The following GRID2 variants were observed in gnomAD, a reference collection of about 807,000 sequenced individuals.
The protein encoded by GRID2 is glutamate receptor ionotropic, delta-2.
GRID2 carries 33 observed loss-of-function variants against 114.8 expected under a neutral mutation model. The ratio of observed to expected loss-of-function variants is 0.29; its 90% CI spans 0.22 to 0.38. The LOEUF (loss-of-function observed/expected upper bound fraction) is 0.38, where lower values mean the gene tolerates loss of function less well. Ranked by LOEUF, GRID2 falls within the 10% of genes least tolerant of loss-of-function variation. The pLI is 1.00. For synonymous variants in GRID2, 505 were observed against 449.9 expected, an observed-to-expected ratio of 1.12 and a Z score of -1.55; for missense variants, 1,184 against 1,257.7, an observed-to-expected ratio of 0.94 and a Z score of 0.89.
intron 1 of GRID2, among the ~76,000 whole-genome samples, chr4:92,555,179 T>C (rs1726790855): frequency 6.6e-6 from 1 of 152,212 alleles, no homozygotes; most frequent in Non-Finnish European, 1.5e-5. Context: ...TTAATATCTG[T>C]AGGGTATGGA....
At chr4:92,535,133 A>C (rs2149155976) in intron 1 of GRID2, among the ~76,000 whole-genome samples, 1 of 152,260 alleles carries the variant, frequency 6.6e-6, no homozygotes, top group Non-Finnish European at 1.5e-5. Context: ...TATAGACCTA[A>C]GTTTCATCAA....
intron 1 of GRID2, among the ~76,000 whole-genome samples, chr4:93,789,408 T>C (rs1364122405): frequency 1.3e-5 from 2 of 152,232 alleles, no homozygotes; most frequent in Admixed American, 1.3e-4. Context: ...AAAGCAATTG[T>C]TAATGTCCCA....
At chr4:93,769,129 G>A (rs1733912823) in intron 14 of GRID2, 81 bp from the exon 15 acceptor site, 2 of 1,369,382 alleles carry the variant, frequency 1.5e-6, no homozygotes, top group Non-Finnish European at 2.1e-6. Flanking sequence ...TCCTACAGAG[G>A]TGGGATTATA....
intron 1 of GRID2, among the ~76,000 whole-genome samples, chr4:92,438,714 G>A (rs1286985319): frequency 6.6e-6 from 1 of 152,022 alleles, no homozygotes; most frequent in Non-Finnish European, 1.5e-5. Context: ...TTTAACTGAA[G>A]AATCCCAGTC....
At chr4:93,496,641 GA>G (rs1365356855) in intron 12 of GRID2, among the ~76,000 whole-genome samples, 1 of 151,730 alleles carries the variant, frequency 6.6e-6, no homozygotes, top group Non-Finnish European at 1.5e-5. Context: ...GTGGCCTTTC[GA>G]AAATGGCTTT....
chr4:92,574,394 T>C (rs546781327), intron 1 of GRID2, among the ~76,000 whole-genome samples: 1 of 150,992 alleles, frequency 6.6e-6, no homozygotes, highest in South Asian at 2.1e-4. Flanking sequence ...TATATAGTGT[T>C]ACTGGTCTGT....
chr4:93,796,434 G>A (rs1734803835), intron 1 of GRID2, among the ~76,000 whole-genome samples: 1 of 152,142 alleles, frequency 6.6e-6, no homozygotes, highest in Admixed American at 6.5e-5. Flanking sequence ...GACAAGCAGA[G>A]GGGAATCTAT....
chr4:92,756,780 G>A (rs544599138), intron 2 of GRID2, among the ~76,000 whole-genome samples: 102 of 152,044 alleles, frequency 6.7e-4, no homozygotes, highest in Non-Finnish European at 1.2e-3. Context: ...TGTGTATTTA[G>A]ATCTTTTGCG....
At chr4:92,399,682 T>C (rs948139775) in intron 1 of GRID2, among the ~76,000 whole-genome samples, 1 of 149,894 alleles carries the variant, frequency 6.7e-6, no homozygotes, top group African/African-American at 2.4e-5. Flanking sequence ...TATATATATA[T>C]ATACATACAT....
chr4:93,371,891 GCAC>G (rs1244052300), intron 8 of GRID2, among the ~76,000 whole-genome samples: 1 of 151,550 alleles, frequency 6.6e-6, no homozygotes, highest in Non-Finnish European at 1.5e-5. Context: ...GGGATTACAG[GCAC>G]CCACCACCAC....
intron 2 of GRID2, among the ~76,000 whole-genome samples, chr4:92,934,026 A>C (rs1453106431): frequency 1.3e-5 from 2 of 151,764 alleles, no homozygotes; most frequent in African/African-American, 2.4e-5. Context: ...CAAGTTTGTA[A>C]ATTTTTATTT....
intron 2 of GRID2, among the ~76,000 whole-genome samples, chr4:92,623,958 T>G (rs917711527): frequency 6.6e-6 from 1 of 151,746 alleles, no homozygotes. Context: ...CATAAACATA[T>G]CCGGTAAAGC....
intron 4 of GRID2, among the ~76,000 whole-genome samples, chr4:93,190,266 A>C (rs909655350): frequency 1.7e-4 from 26 of 152,134 alleles, no homozygotes; most frequent in Non-Finnish European, 7.4e-5. Context: ...CTAGAACTTA[A>C]TATAGATTTC....
chr4:92,792,314 C>T (rs1042594989), intron 2 of GRID2, among the ~76,000 whole-genome samples: 3 of 151,714 alleles, frequency 2.0e-5, no homozygotes, highest in African/African-American at 2.4e-5. Flanking sequence ...TAGGGAGGTA[C>T]GTTGCAGTTA....
intron 2 of GRID2, among the ~76,000 whole-genome samples, chr4:93,061,675 A>T (rs1378281326): frequency 6.6e-6 from 1 of 152,138 alleles, no homozygotes; most frequent in South Asian, 2.1e-4. Context: ...CACAAGTGAA[A>T]ACTAAGCAGA....
At chr4:93,113,166 A>G (rs762271614) in intron 4 of GRID2, among the ~76,000 whole-genome samples, 22 of 152,282 alleles carry the variant, frequency 1.4e-4, no homozygotes, top group Middle Eastern at 3.4e-3. Context: ...GGTCTTAACT[A>G]TGTTTTAACA....
intron 11 of GRID2, among the ~76,000 whole-genome samples, chr4:93,463,299 G>A (rs1014749274): frequency 7.9e-5 from 12 of 152,276 alleles, no homozygotes; most frequent in Admixed American, 3.3e-4. Flanking sequence ...ATTTTAAGCT[G>A]TGAATGCATT....
At chr4:92,593,663 T>C (rs1728810062) in intron 2 of GRID2, among the ~76,000 whole-genome samples, 1 of 151,902 alleles carries the variant, frequency 6.6e-6, no homozygotes, top group African/African-American at 2.4e-5. Flanking sequence ...AATACATGAA[T>C]AATAGAAAAA....
At chr4:93,730,856 G>A (rs1049946472) in intron 14 of GRID2, among the ~76,000 whole-genome samples, 1 of 152,228 alleles carries the variant, frequency 6.6e-6, no homozygotes, top group African/African-American at 2.4e-5. Context: ...TCTGAATGAT[G>A]GCACTGGGGG....
Sources: allele counts gnomAD v4.1 joint callset (sites outside exome capture counted in the v4.1 genomes callset), GRCh38; gene constraint gnomAD v4.1.1; transcripts MANE v1.5; gene names NCBI Gene and HGNC (gene_info 2026-07-23, HGNC 2026-07-21).